The following EXOC6B variants were observed in gnomAD, a reference collection of about 807,000 sequenced individuals.
EXOC6B encodes the protein SEC15 homolog B.
A neutral mutation model predicts 113.5 loss-of-function variants in EXOC6B; 54 were observed. That is an observed-to-expected ratio of 0.48 (90% CI 0.38 to 0.60). EXOC6B has a LOEUF of 0.60. Among genes scored for constraint, EXOC6B ranks in the 20% least tolerant of loss-of-function variants. EXOC6B has a pLI of 0.00. For synonymous variants in EXOC6B, 357 were observed against 339.0 expected, an observed-to-expected ratio of 1.05 and a Z score of -0.58; for missense variants, 797 against 977.5, an observed-to-expected ratio of 0.82 and a Z score of 2.46.
rs377643469 is a variant in EXOC6B at position 72,824,610 on chromosome 2, G to T, written c.113+1188C>A. 7.2e-5 allele frequency among the ~76,000 whole-genome samples: 11 copies of T among 152,242 alleles called. No homozygotes were observed. In the East Asian group the frequency reaches 1.4e-3, roughly 19 times the overall value. ...TCTTTCCTGAGTCAACTTACCCCAA[G>T]AAAACGCAAGCAGTGAGTAATAACT... On this transcript the variant is annotated intron_variant, in intron 1 of 21. Transcript: ENST00000272427.
intron 11 of EXOC6B, among the ~76,000 whole-genome samples, chr2:72,505,047 T>C (rs1360410465): frequency 6.6e-6 from 1 of 152,180 alleles, no homozygotes; most frequent in East Asian, 1.9e-4. Context: ...AGTGGCATAT[T>C]TTCCTACTCT....
chr2:72,650,792 C>T (rs1021281215), intron 6 of EXOC6B, among the ~76,000 whole-genome samples: 6 of 151,434 alleles, frequency 4.0e-5, no homozygotes, highest in Non-Finnish European at 8.8e-5. Context: ...TCAAATACTT[C>T]AGGGAATGCA....
chr2:72,241,393 G>A (rs1573068300), intron 20 of EXOC6B, among the ~76,000 whole-genome samples: 1 of 152,110 alleles, frequency 6.6e-6, no homozygotes, highest in Non-Finnish European at 1.5e-5. Context: ...TGCAAAAGGT[G>A]CAATATATTT....
intron 5 of EXOC6B, among the ~76,000 whole-genome samples, chr2:72,721,413 ACCAAAAAGGG>A (rs1680001836): frequency 7.5e-6 from 1 of 132,980 alleles, no homozygotes; most frequent in Non-Finnish European, 1.6e-5. Flanking sequence ...TCACAAAAGA[ACCAAAAAGGG>A]CCAACATATG....
intron 18 of EXOC6B, among the ~76,000 whole-genome samples, chr2:72,447,739 T>C (rs1228115120): frequency 1.3e-5 from 2 of 152,188 alleles, no homozygotes; most frequent in African/African-American, 2.4e-5. Flanking sequence ...GTCATGGGAT[T>C]TGATGCTAAG....
At chr2:72,427,773 G>A (rs1695292000) in intron 18 of EXOC6B, among the ~76,000 whole-genome samples, 1 of 152,178 alleles carries the variant, frequency 6.6e-6, no homozygotes, top group Non-Finnish European at 1.5e-5. Context: ...GGGAGGCACT[G>A]AAGGCTGGGG....
rs186505918 is a variant in EXOC6B, at chr2:72,201,120, C to T, written c.2197-16933G>A. Among the ~76,000 whole-genome samples, 6 of 152,080 alleles carry T rather than the reference C, an allele frequency of 3.9e-5. No individual in the cohort carries two copies. In the East Asian group the frequency reaches 1.2e-3, roughly 29 times the overall value. ...TATATACACACACACACATACTAGG[C>T]ATACATATGTGACATTATACATAAT... On this transcript the variant is annotated intron_variant, in intron 20 of 21. Coordinates refer to ENST00000272427, the MANE Select transcript of EXOC6B (RefSeq NM_015189.3).
Position 72,499,946 on chromosome 2 carries a change from C to T in EXOC6B, c.1194G>A (p.Val398=), listed in dbSNP as rs373809436. Residue 398 remains valine (V), a synonymous_variant, in exon 12 of 22, where the codon GTG becomes GTA. Transcript: ENST00000272427. The part of the protein sequence containing the change: ...HSSYCSDPNL[V]LDLKNLIVLF... ...GCACAATGAGGTTCTTCAAATCTAA[C>T]ACAAGGTTTGGATCAGAACAGTAAG... The T allele has an allele frequency of 5.8e-5, 90 of 1,552,870 alleles. No individual in the cohort carries two copies. The African/African-American group carries it at 1.1e-3, about 19-fold the overall frequency.
chr2:72,742,041 C>T (rs971902489), intron 1 of EXOC6B, among the ~76,000 whole-genome samples: 1 of 152,190 alleles, frequency 6.6e-6, no homozygotes, highest in African/African-American at 2.4e-5. Context: ...GCCTCAGCTG[C>T]TGATCTGACT....
chr2:72,195,481 T>TA (rs142434589), intron 20 of EXOC6B, among the ~76,000 whole-genome samples: 62 of 152,332 alleles, frequency 4.1e-4, no homozygotes, highest in African/African-American at 1.4e-3. Context: ...ACAGATGTTG[T>TA]AGGAGAAGAA....
At position 72,495,453 on chromosome 2, in the gene EXOC6B, C is replaced by T; in HGVS notation, c.1530G>A (p.Lys510=). The change falls in exon 15 of 22, where the codon AAG becomes AAA. Residue 510 remains lysine, a synonymous_variant. Transcript: ENST00000272427. ...QIKEFIYACL[K]FSEDLHLSST... ...ACCTTAGATGAAGATCTTCTGAAAACTTCAGACAAGCGTAGATAAATTCTT... is the reference window on the plus strand; with the variant it reads ...ACCTTAGATGAAGATCTTCTGAAAATTTCAGACAAGCGTAGATAAATTCTT... 2 of 1,593,026 alleles carry T rather than the reference C, an allele frequency of 1.3e-6. No homozygotes were observed. Among genetic ancestry groups the T allele is most frequent in the East Asian group, 2.2e-5 (1 of 44,540 alleles).
chr2:72,534,644 A>G (rs1251195202), intron 8 of EXOC6B, among the ~76,000 whole-genome samples: 1 of 152,178 alleles, frequency 6.6e-6, no homozygotes, highest in East Asian at 1.9e-4. Context: ...CCTAGTATGT[A>G]CTAGGTAGGC....
chr2:72,724,653 C>A (rs1680200018), intron 5 of EXOC6B, among the ~76,000 whole-genome samples: 1 of 151,782 alleles, frequency 6.6e-6, no homozygotes, highest in Non-Finnish European at 1.5e-5. Context: ...TGGCAGAATT[C>A]GCAAAGGAGT....
chr2:72,457,971 C>T (rs964922454), intron 18 of EXOC6B, among the ~76,000 whole-genome samples: 1 of 152,130 alleles, frequency 6.6e-6, no homozygotes, highest in Non-Finnish European at 1.5e-5. Flanking sequence ...GTGTCACACA[C>T]AAACACACTT....
chr2:72,392,528 G>T (rs1692455081), intron 18 of EXOC6B, among the ~76,000 whole-genome samples: 1 of 152,128 alleles, frequency 6.6e-6, no homozygotes, highest in Admixed American at 6.5e-5. Context: ...TAGCTATTTT[G>T]AAGTCTTTGC....
chr2:72,694,151 G>A (rs539875734), intron 6 of EXOC6B, among the ~76,000 whole-genome samples: 3 of 152,122 alleles, frequency 2.0e-5, no homozygotes, highest in Non-Finnish European at 4.4e-5. Flanking sequence ...CTTCCTTCAA[G>A]AATGAACTGG....
intron 6 of EXOC6B, among the ~76,000 whole-genome samples, chr2:72,713,451 C>CT (rs1679396819): frequency 2.6e-5 from 4 of 151,470 alleles, no homozygotes; most frequent in Admixed American, 1.3e-4. Context: ...TATTATTATA[C>CT]TTTAAGTTTT....
intron 18 of EXOC6B, among the ~76,000 whole-genome samples, chr2:72,444,101 T>C (rs1459908532): frequency 6.6e-6 from 1 of 152,184 alleles, no homozygotes; most frequent in Non-Finnish European, 1.5e-5. Context: ...AATGGGGGTA[T>C]AGGCATTGGG....
chr2:72,452,436 T>C (rs1006058691), intron 18 of EXOC6B, among the ~76,000 whole-genome samples: 12 of 152,122 alleles, frequency 7.9e-5, no homozygotes, highest in Non-Finnish European at 1.5e-5. Flanking sequence ...ATATCCAAAG[T>C]TTCAAGTAGA....
Sources: gnomAD v4.1 joint callset for allele counts (sites outside exome capture counted in the v4.1 genomes callset) on GRCh38, gnomAD v4.1.1 for gene constraint, MANE v1.5 for transcripts, NCBI Gene and HGNC (gene_info 2026-07-23, HGNC 2026-07-21) for gene names.